Variants in LRP1B observed in about 807,000 individuals in gnomAD.
The protein encoded by LRP1B is LDL receptor related protein 1B.
Under a neutral mutation model 556.6 loss-of-function variants are expected in LRP1B, and 217 were observed. The ratio of observed to expected loss-of-function variants is 0.39; its 90% CI spans 0.35 to 0.44. LRP1B has a LOEUF of 0.44. Ranked by LOEUF, LRP1B falls within the 20% of genes least tolerant of loss-of-function variation. The pLI is 1.00. For synonymous variants in LRP1B, 2,047 were observed against 1,865.8 expected, an observed-to-expected ratio of 1.10 and a Z score of -2.50; for missense variants, 5,053 against 5,620.8, an observed-to-expected ratio of 0.90 and a Z score of 3.23.
intron 7 of LRP1B, among the ~76,000 whole-genome samples, chr2:141,098,567 A>G (rs1263444630): frequency 6.6e-6 from 1 of 152,196 alleles, no homozygotes; most frequent in African/African-American, 2.4e-5. Flanking sequence ...CTGGCATCTT[A>G]GCTTACATGA....
chr2:140,311,723 C>A (rs1684312054), intron 83 of LRP1B, among the ~76,000 whole-genome samples: 1 of 151,790 alleles, frequency 6.6e-6, no homozygotes, highest in Non-Finnish European at 1.5e-5. Flanking sequence ...TTTCAGCATT[C>A]CCTAAATATA....
intron 2 of LRP1B, among the ~76,000 whole-genome samples, chr2:141,647,463 T>A (rs961302939): frequency 1.3e-5 from 2 of 152,206 alleles, no homozygotes; most frequent in African/African-American, 4.8e-5. Flanking sequence ...GCAACATTGC[T>A]TCTATGGTGA....
rs1316002688 is a variant in LRP1B, at chr2:141,062,231, C to T, written c.1056G>A (p.Glu352=). ...FTDYGNVAKV[E]RCDMDGMNRT... ...GGTTCATCCCATCCATGTCACATCTCTCCACTTTGGCGACATTCCCGTAGT... is the reference window on the plus strand; with the variant it reads ...GGTTCATCCCATCCATGTCACATCTTTCCACTTTGGCGACATTCCCGTAGT... The change falls in exon 8 of 91, where the codon GAG becomes GAA. Residue 352 remains glutamate, a synonymous_variant. Transcript: ENST00000389484. The T allele has an allele frequency of 1.9e-6, 3 of 1,611,158 alleles. No homozygotes were observed. The highest frequency in any genetic ancestry group is 2.5e-6 in the Non-Finnish European group (3 of 1,178,346).
At chr2:141,949,782 T>C (rs911537757) in intron 1 of LRP1B, among the ~76,000 whole-genome samples, 1 of 152,198 alleles carries the variant, frequency 6.6e-6, no homozygotes, top group Non-Finnish European at 1.5e-5. Context: ...AACAAACAAA[T>C]GGATATCTCC....
chr2:141,208,686 T>C (rs1025036094), intron 6 of LRP1B, among the ~76,000 whole-genome samples: 19 of 151,456 alleles, frequency 1.3e-4, no homozygotes, highest in African/African-American at 3.2e-4. Context: ...GCTAACACAG[T>C]GCAACCCCGT....
chr2:140,598,587 A>G (rs367570598), intron 43 of LRP1B, 44 bp downstream of exon 43: 51 of 1,418,494 alleles, frequency 3.6e-5, no homozygotes, highest in Non-Finnish European at 5.0e-5. Flanking sequence ...TTTTAAATAT[A>G]TCATTGTATA....
In LRP1B at chr2:141,855,440, G is replaced by A. The variant is rs187128625; in HGVS notation, c.83-45039C>T. 2.0e-5 allele frequency among the ~76,000 whole-genome samples: 3 copies of A among 152,260 alleles called. No homozygotes were observed. In the East Asian group the frequency reaches 5.8e-4, roughly 29 times the overall value. ...TTGCATGGGATTTGAGCAGAGGCTA[G>A]TGAGAAGAAAAGCAAAAGTAAATGG... On this transcript the variant is annotated intron_variant, in intron 1 of 90. Coordinates refer to ENST00000389484, the MANE Select transcript of LRP1B (RefSeq NM_018557.3).
rs571759607 is a variant in LRP1B at position 140,833,083 on chromosome 2, G to T, written c.5209+6908C>A. ...TGTGTGCATGAGTGTGCCCTGTGATGAAATAGTGTCCTTTCCAGTGTTGGT... is the reference window on the plus strand; with the variant it reads ...TGTGTGCATGAGTGTGCCCTGTGATTAAATAGTGTCCTTTCCAGTGTTGGT... On this transcript the variant is annotated intron_variant, in intron 31 of 90. Coordinates refer to ENST00000389484, the MANE Select transcript of LRP1B (RefSeq NM_018557.3). Among the ~76,000 whole-genome samples, 129 of 152,302 alleles carry T rather than the reference G, an allele frequency of 8.5e-4. 1 individual carries two copies. Among genetic ancestry groups the T allele is most frequent in the Non-Finnish European group, 1.3e-3 (89 of 68,030 alleles).
intron 20 of LRP1B, among the ~76,000 whole-genome samples, chr2:140,936,467 C>T (rs1349875177): frequency 6.6e-6 from 1 of 151,678 alleles, no homozygotes; most frequent in Non-Finnish European, 1.5e-5. Context: ...GAAATTAAGA[C>T]CTTCCCAGAT....
intron 25 of LRP1B, among the ~76,000 whole-genome samples, chr2:140,868,912 C>T (rs1366210309): frequency 6.6e-6 from 1 of 152,042 alleles, no homozygotes; most frequent in African/African-American, 2.4e-5. Flanking sequence ...AATTCCCAAG[C>T]AGCCAGAAAT....
intron 7 of LRP1B, among the ~76,000 whole-genome samples, chr2:141,102,972 C>A (rs934240636): frequency 4.6e-5 from 7 of 152,052 alleles, no homozygotes; most frequent in African/African-American, 1.7e-4. Flanking sequence ...ACAAGATAAT[C>A]TTTTCATCCT....
At chr2:140,496,301 T>C (rs1258918320) in intron 55 of LRP1B, among the ~76,000 whole-genome samples, 1 of 152,068 alleles carries the variant, frequency 6.6e-6, no homozygotes, top group African/African-American at 2.4e-5. Flanking sequence ...CTTTAGTTAG[T>C]AGATGAGAAA....
intron 35 of LRP1B, among the ~76,000 whole-genome samples, chr2:140,722,769 C>T (rs1013371466): frequency 1.3e-5 from 2 of 152,132 alleles, no homozygotes; most frequent in South Asian, 4.1e-4. Flanking sequence ...GGGGACCGGG[C>T]GCAGTGGCTC....
chr2:141,018,515 T>A (rs1697973579), intron 12 of LRP1B, among the ~76,000 whole-genome samples: 1 of 152,090 alleles, frequency 6.6e-6, no homozygotes, highest in Non-Finnish European at 1.5e-5. Flanking sequence ...TGAAGAGGAT[T>A]TCTAAATTTG....
At chr2:141,013,422 T>C in intron 14 of LRP1B, 134 bp downstream of exon 14, 1 of 678,592 alleles carries the variant, frequency 1.5e-6, no homozygotes, top group Non-Finnish European at 2.3e-6. Context: ...AAATCTGATT[T>C]GATTGACTTT....
intron 86 of LRP1B, among the ~76,000 whole-genome samples, chr2:140,250,960 C>T (rs1012066874): frequency 6.6e-6 from 1 of 151,836 alleles, no homozygotes; most frequent in African/African-American, 2.4e-5. Context: ...GTTCCCTACA[C>T]AATACCTGGA....
At position 141,275,964 on chromosome 2, in the gene LRP1B, A is replaced by C. The variant is rs994215595; in HGVS notation, c.344-21323T>G. ...TAAAACTTTTATTTCAAAACTGATTAAGTTAAAAATATAAACCAGATGGCC... is the reference window on the plus strand; with the variant it reads ...TAAAACTTTTATTTCAAAACTGATTCAGTTAAAAATATAAACCAGATGGCC... On this transcript the variant is annotated intron_variant, in intron 3 of 90. Transcript: ENST00000389484. Among the ~76,000 whole-genome samples the C allele has an allele frequency of 2.0e-5, 3 of 152,254 alleles. No homozygotes were observed. In the East Asian group the frequency reaches 5.8e-4, roughly 29 times the overall value.
At chr2:141,650,526 A>T (rs1574194894) in intron 2 of LRP1B, among the ~76,000 whole-genome samples, 1 of 152,212 alleles carries the variant, frequency 6.6e-6, no homozygotes, top group South Asian at 2.1e-4. Context: ...TTCAAACATT[A>T]CCATGGCTGC....
chr2:140,779,329 G>C (rs566837622), intron 32 of LRP1B, among the ~76,000 whole-genome samples: 2 of 152,284 alleles, frequency 1.3e-5, no homozygotes, highest in South Asian at 4.1e-4. Context: ...CTAGAAAACA[G>C]TGAAGCAATG....
Sources: gnomAD v4.1 joint callset for allele counts (sites outside exome capture counted in the v4.1 genomes callset) on GRCh38, gnomAD v4.1.1 for gene constraint, MANE v1.5 for transcripts, NCBI Gene and HGNC (gene_info 2026-07-23, HGNC 2026-07-21) for gene names.